Variants in MARCHF1 observed in about 807,000 individuals in gnomAD.
The protein encoded by MARCHF1 is membrane associated ring-CH-type finger 1, also known as E3 ubiquitin-protein ligase MARCHF1.
Under a neutral mutation model 54.2 loss-of-function variants are expected in MARCHF1, and 40 were observed. That is an observed-to-expected ratio of 0.74 (90% confidence interval 0.57 to 0.96). MARCHF1 has a LOEUF of 0.96. Ranked by LOEUF, MARCHF1 falls within the 40% of genes least tolerant of loss-of-function variation. MARCHF1 has a pLI of 0.00. For missense variants in MARCHF1, 586 were observed against 656.5 expected (o/e 0.89, Z 1.17); for synonymous variants, 236 against 236.3 (o/e 1.00, Z 0.01).
At chr4:164,217,873 G>A (rs1258316356) in intron 1 of MARCHF1, among the ~76,000 whole-genome samples, 1 of 152,100 alleles carries the variant, frequency 6.6e-6, no homozygotes, top group Non-Finnish European at 1.5e-5. Flanking sequence ...CTGAGTGTAA[G>A]AAGGGTTTTT....
chr4:164,364,014 G>A (rs192035166), intron 1 of MARCHF1, among the ~76,000 whole-genome samples: 139 of 151,896 alleles, frequency 9.2e-4, no homozygotes, highest in East Asian at 7.4e-3. Context: ...ATTTTTTGTC[G>A]TCCATTATTT....
chr4:164,028,193 C>A lies in MARCHF1; in HGVS notation c.-247-39484G>T, dbSNP rs1241524774. ...TGTCAAAGAATTTAAAACAGAGCTA[C>A]AATTTGACCTAGAATTCCCATTATT... On this transcript the variant is annotated intron_variant, in intron 2 of 9. Coordinates refer to ENST00000514618, the MANE Select transcript of MARCHF1 (RefSeq NM_001394959.1). 3.3e-5 allele frequency among the ~76,000 whole-genome samples: 5 copies of A among 152,120 alleles called. No homozygotes were observed. In the East Asian group the frequency reaches 5.8e-4, roughly 18 times the overall value.
intron 5 of MARCHF1, among the ~76,000 whole-genome samples, chr4:163,637,199 G>T (rs1206675588): frequency 6.6e-6 from 1 of 152,116 alleles, no homozygotes; most frequent in East Asian, 1.9e-4. Flanking sequence ...AGGACTTCTT[G>T]TCTAAAACAC....
At chr4:164,057,809 T>C (rs543491612) in intron 2 of MARCHF1, among the ~76,000 whole-genome samples, 2 of 152,310 alleles carry the variant, frequency 1.3e-5, no homozygotes, top group African/African-American at 2.4e-5. Flanking sequence ...TTTGTTCTGT[T>C]ATGTATAGGC....
chr4:164,334,597 T>G (rs577285866), intron 1 of MARCHF1, among the ~76,000 whole-genome samples: 2 of 152,146 alleles, frequency 1.3e-5, no homozygotes, highest in African/African-American at 2.4e-5. Flanking sequence ...CTGATGGAGA[T>G]GTACAAGGAG....
At chr4:164,346,646 A>G (rs1279417506) in intron 1 of MARCHF1, among the ~76,000 whole-genome samples, 29 of 27,270 alleles carry the variant, frequency 1.1e-3, no homozygotes, top group East Asian at 9.7e-3. Flanking sequence ...ATATATATAT[A>G]TATATATATA....
chr4:164,080,638 T>C (rs1349984393), intron 2 of MARCHF1, among the ~76,000 whole-genome samples: 1 of 151,316 alleles, frequency 6.6e-6, no homozygotes, highest in Non-Finnish European at 1.5e-5. Context: ...AGAAATCTAA[T>C]AGTATTCTAT....
intron 2 of MARCHF1, among the ~76,000 whole-genome samples, chr4:164,076,157 C>CAACAACAA (rs1476302795): frequency 6.6e-6 from 1 of 151,770 alleles, no homozygotes; most frequent in Non-Finnish European, 1.5e-5. Flanking sequence ...ACAACAACAA[C>CAACAACAA]AACAACAACA....
At chr4:164,360,992 T>C (rs1337519336) in intron 1 of MARCHF1, among the ~76,000 whole-genome samples, 1 of 151,688 alleles carries the variant, frequency 6.6e-6, no homozygotes, top group Admixed American at 6.6e-5. Context: ...CACAACACTG[T>C]ACCATAATGA....
At chr4:164,253,397 G>C (rs1344022552) in intron 1 of MARCHF1, among the ~76,000 whole-genome samples, 1 of 152,118 alleles carries the variant, frequency 6.6e-6, no homozygotes, top group African/African-American at 2.4e-5. Flanking sequence ...AAGGAAATAA[G>C]CTGTAAAATA....
At chr4:164,202,544 C>T (rs1014974458) in intron 1 of MARCHF1, among the ~76,000 whole-genome samples, 2 of 152,014 alleles carry the variant, frequency 1.3e-5, no homozygotes, top group Non-Finnish European at 2.9e-5. Context: ...CCTTATCAGG[C>T]AGATTTTGTT....
chr4:164,032,283 G>A (rs190468552), intron 2 of MARCHF1, among the ~76,000 whole-genome samples: 2 of 152,038 alleles, frequency 1.3e-5, no homozygotes, highest in South Asian at 4.1e-4. Flanking sequence ...CAAAAAACCA[G>A]CTCTTGGATT....
chr4:164,189,072 G>A lies in MARCHF1; in HGVS notation c.-322-77410C>T, dbSNP rs549525846. The A allele has an allele frequency of 2.3e-4, 156 of 688,054 alleles. 1 individual carries two copies. The highest frequency in any genetic ancestry group is 1.1e-4 in the Admixed American group (5 of 47,416). The allele number at this position is 688,054 out of a possible 1,614,324, so 42.6% of individuals were successfully genotyped here. The stretch of plus-strand genomic sequence containing the variant: ...ACCTGGGTGGCAGAACCTTCAATGC[G>A]TCTCCTCTCACCATTGACAATGGTG... On this transcript the variant is annotated intron_variant, in intron 1 of 9. Coordinates refer to ENST00000514618, the MANE Select transcript of MARCHF1 (RefSeq NM_001394959.1).
rs565353256 is a variant in MARCHF1, at chr4:164,229,583, T to A, written c.-322-117921A>T. Among the ~76,000 whole-genome samples, 6 of 152,264 alleles carry A rather than the reference T, an allele frequency of 3.9e-5. No homozygotes were observed. In the East Asian group the frequency reaches 1.2e-3, roughly 29 times the overall value. On this transcript the variant is annotated intron_variant, in intron 1 of 9. Coordinates refer to ENST00000514618, the MANE Select transcript of MARCHF1 (RefSeq NM_001394959.1). ...GCAGGTGAGTTAGTCCTTTCCCACA[T>A]AGCTATAAAGAAACATCTGAGAATG...
At chr4:163,766,112 A>G (rs1746970008) in intron 4 of MARCHF1, among the ~76,000 whole-genome samples, 1 of 151,752 alleles carries the variant, frequency 6.6e-6, no homozygotes, top group African/African-American at 2.4e-5. Flanking sequence ...ATTTCCTGAC[A>G]AGTTATAAAA....
At chr4:163,572,720 A>G (rs1739883335) in intron 8 of MARCHF1, among the ~76,000 whole-genome samples, 1 of 152,022 alleles carries the variant, frequency 6.6e-6, no homozygotes, top group African/African-American at 2.4e-5. Flanking sequence ...ACTTTGTTTC[A>G]TGTTTCCATG....
At chr4:163,682,789 T>C (rs1003631210) in intron 5 of MARCHF1, among the ~76,000 whole-genome samples, 1 of 152,150 alleles carries the variant, frequency 6.6e-6, no homozygotes, top group Non-Finnish European at 1.5e-5. Flanking sequence ...AAGAAGGACA[T>C]GTTTGCCTCC....
chr4:163,990,716 A>G (rs1752954181), intron 2 of MARCHF1, among the ~76,000 whole-genome samples: 1 of 152,106 alleles, frequency 6.6e-6, no homozygotes. Flanking sequence ...TAATCCCTCT[A>G]TCTAGAAGGA....
intron 1 of MARCHF1, among the ~76,000 whole-genome samples, chr4:164,176,666 G>T (rs556178071): frequency 2.0e-5 from 3 of 151,996 alleles, no homozygotes; most frequent in Non-Finnish European, 4.4e-5. Context: ...GAGAGGGATA[G>T]AGATAGTCCA....
Sources: allele counts gnomAD v4.1 joint callset (sites outside exome capture counted in the v4.1 genomes callset), GRCh38; gene constraint gnomAD v4.1.1; transcripts MANE v1.5; gene names NCBI Gene and HGNC (gene_info 2026-07-23, HGNC 2026-07-21).